Variants in MEGF11 observed in about 807,000 individuals in gnomAD.
The protein encoded by MEGF11 is multiple EGF like domains 11.
MEGF11 carries 126 observed loss-of-function variants against 146.6 expected under a neutral mutation model. That is an observed-to-expected ratio of 0.86 (90% CI 0.74 to 1.00). The LOEUF (loss-of-function observed/expected upper bound fraction) is 1.00. Among genes scored for constraint, MEGF11 ranks in the 50% least tolerant of loss-of-function variants. MEGF11 has a pLI of 0.00. For missense variants in MEGF11, 1,509 were observed against 1,521.2 expected, an observed-to-expected ratio of 0.99 and a Z score of 0.13; for synonymous variants, 532 against 583.4, an observed-to-expected ratio of 0.91 and a Z score of 1.27.
chr15:66,104,729 C>T (rs2086984462), intron 4 of MEGF11, among the ~76,000 whole-genome samples: 1 of 152,148 alleles, frequency 6.6e-6, no homozygotes, highest in Non-Finnish European at 1.5e-5. Flanking sequence ...AATCCTGCAT[C>T]CATTCACACA....
In MEGF11 at chr15:65,897,629, A is replaced by ATAT. The variant is rs1555448983; in HGVS notation, c.*304_*305insATA. ...TTTTTAAAATATCACGTTTCAGATA[A>ATAT]ATATATATATATATATCAGCTATAT... is the stretch of plus-strand genomic sequence containing the variant. On this transcript the variant is annotated 3_prime_UTR_variant, in exon 26 of 26. Transcript: ENST00000395614. The ATAT allele has an allele frequency of 1.3e-4, 23 of 178,894 alleles. No individual in the cohort carries two copies. The highest frequency in any genetic ancestry group is 6.0e-4 in the South Asian group (3 of 5,026). 11.1% of individuals were successfully genotyped at this position (178,894 alleles called of 1,614,324 possible).
intron 4 of MEGF11, among the ~76,000 whole-genome samples, chr15:66,102,236 A>G (rs1259061706): frequency 1.3e-3 from 2 of 1,526 alleles, no homozygotes; most frequent in Non-Finnish European, 6.0e-3. Context: ...CGAACCACCA[A>G]TGCTGTATCC....
At chr15:65,942,674 T>C (rs1162524749) in intron 10 of MEGF11, among the ~76,000 whole-genome samples, 1 of 152,120 alleles carries the variant, frequency 6.6e-6, no homozygotes, top group Non-Finnish European at 1.5e-5. Context: ...TCCCCGTGCC[T>C]GGCCTCATCT....
intron 1 of MEGF11, among the ~76,000 whole-genome samples, chr15:66,234,562 T>G (rs2092048342): frequency 6.6e-6 from 1 of 152,140 alleles, no homozygotes; most frequent in African/African-American, 2.4e-5. Flanking sequence ...TACTCCTACA[T>G]GGAAGACACA....
intron 4 of MEGF11, among the ~76,000 whole-genome samples, chr15:66,108,566 T>C (rs1164146416): frequency 6.6e-6 from 1 of 152,124 alleles, no homozygotes; most frequent in Non-Finnish European, 1.5e-5. Flanking sequence ...CAGGGAAGCC[T>C]CTCTGAAACA....
Position 65,916,265 on chromosome 15 carries a change from C to T in MEGF11, c.2227G>A (p.Ala743Thr). Residue 743 changes from alanine to threonine, a missense_variant, in exon 18 of 26, where the codon GCA (alanine) becomes ACA (threonine). Ala to Thr is a moderately conservative substitution (Grantham distance 58). Transcript: ENST00000395614. ...GLFCTQRCPA[A>T]FFGKDCGRVC... ...CGCCCACAGTCCTTCCCAAAAAATGCTGCTGGGCAGCCTAGAGAAACAGGA... is the reference window on the plus strand; with the variant it reads ...CGCCCACAGTCCTTCCCAAAAAATGTTGCTGGGCAGCCTAGAGAAACAGGA... 10 of 1,555,610 alleles carry T rather than the reference C, an allele frequency of 6.4e-6. No individual in the cohort carries two copies. Among genetic ancestry groups the T allele is most frequent in the South Asian group, 1.2e-5 (1 of 84,258 alleles).
intron 10 of MEGF11, among the ~76,000 whole-genome samples, chr15:65,945,239 T>C (rs2080147272): frequency 6.6e-6 from 1 of 152,204 alleles, no homozygotes; most frequent in South Asian, 2.1e-4. Flanking sequence ...TTTCTGGCCC[T>C]AGAGGTTTCT....
chr15:65,914,137 C>T (rs919061960), intron 19 of MEGF11, 164 bp from the exon 20 acceptor site: 1 of 605,498 alleles, frequency 1.7e-6, no homozygotes, highest in Admixed American at 2.9e-5. Flanking sequence ...CCTCACTGTG[C>T]CTTCATCCCT....
At chr15:66,148,854 G>A (rs934242092) in intron 1 of MEGF11, among the ~76,000 whole-genome samples, 2 of 152,218 alleles carry the variant, frequency 1.3e-5, no homozygotes, top group Non-Finnish European at 1.5e-5. Context: ...GGAACCGTCT[G>A]TCCCACCACT....
intron 1 of MEGF11, among the ~76,000 whole-genome samples, chr15:66,212,362 T>C (rs921176060): frequency 6.6e-6 from 1 of 152,098 alleles, no homozygotes; most frequent in African/African-American, 2.4e-5. Context: ...GCCCTCTGGA[T>C]TGTATTCTCC....
At position 66,094,166 on chromosome 15, in the gene MEGF11, C is replaced by T. The variant is rs531535620; in HGVS notation, c.394+236G>A. 1.6e-4 allele frequency among the ~76,000 whole-genome samples: 25 copies of T among 152,250 alleles called. No individual in the cohort carries two copies. The South Asian group carries it at 4.8e-3, about 29-fold the overall frequency. On this transcript the variant is annotated intron_variant, in intron 5 of 25. Transcript: ENST00000395614. ...AGTCAGAGTTGTCCAGATGATCCCA[C>T]AATTCCCTACACATACAACACACAA...
At chr15:66,242,495 GAGGGAGGGAGGGA>G (rs1231963257) in intron 1 of MEGF11, among the ~76,000 whole-genome samples, 3 of 144,040 alleles carry the variant, frequency 2.1e-5, no homozygotes, top group Admixed American at 1.4e-4. Flanking sequence ...GGGAGATAGG[GAGGGAGGGAGGGA>G]AGGGAGGGAG....
intron 5 of MEGF11, among the ~76,000 whole-genome samples, chr15:66,088,092 C>T (rs2086182230): frequency 6.6e-6 from 1 of 152,156 alleles, no homozygotes; most frequent in Non-Finnish European, 1.5e-5. Flanking sequence ...CGGATAAATT[C>T]CTGGAAAATT....
chr15:66,214,093 T>C (rs558206122), intron 1 of MEGF11, among the ~76,000 whole-genome samples: 119 of 142,838 alleles, frequency 8.3e-4, no homozygotes, highest in Non-Finnish European at 1.6e-3. Context: ...TGGAGTGCAG[T>C]GGCACAATCT....
At chr15:65,899,826 C>A (rs2078449606) in intron 24 of MEGF11, among the ~76,000 whole-genome samples, 1 of 152,196 alleles carries the variant, frequency 6.6e-6, no homozygotes, top group Admixed American at 6.5e-5. Context: ...CTCATGCTTC[C>A]TTTCCTGCCA....
chr15:66,014,796 A>T lies in MEGF11; in HGVS notation c.395-32308T>A, dbSNP rs1001515063. 7.9e-5 allele frequency among the ~76,000 whole-genome samples: 12 copies of T among 152,254 alleles called. 1 individual carries two copies. Among genetic ancestry groups the T allele is most frequent in the African/African-American group, 2.9e-4 (12 of 41,534 alleles). ...TGTTACCAGCACTGCACCTGTAGCAACTTGTAGCCAGTGACAAGGGATGAA... is the reference window on the plus strand; with the variant it reads ...TGTTACCAGCACTGCACCTGTAGCATCTTGTAGCCAGTGACAAGGGATGAA... On this transcript the variant is annotated intron_variant, in intron 5 of 25. Transcript: ENST00000395614.
At chr15:66,160,481 C>T (rs2089913239) in intron 1 of MEGF11, among the ~76,000 whole-genome samples, 1 of 152,120 alleles carries the variant, frequency 6.6e-6, no homozygotes, top group South Asian at 2.1e-4. Flanking sequence ...ATAAATACTC[C>T]CATTGGTTTA....
intron 19 of MEGF11, chr15:65,914,205 CAAT>C (rs1355143136): frequency 1.4e-5 from 8 of 567,078 alleles, no homozygotes; most frequent in African/African-American, 3.7e-5. Flanking sequence ...CGATGTGAAA[CAAT>C]AAATATTATT....
chr15:66,194,459 T>C (rs1441699913), intron 1 of MEGF11, among the ~76,000 whole-genome samples: 2 of 152,016 alleles, frequency 1.3e-5, no homozygotes, highest in South Asian at 2.1e-4. Flanking sequence ...AAATATGAAA[T>C]TATCCGGGTG....
Sources: allele counts gnomAD v4.1 joint callset (sites outside exome capture counted in the v4.1 genomes callset), GRCh38; gene constraint gnomAD v4.1.1; transcripts MANE v1.5; gene names NCBI Gene and HGNC (gene_info 2026-07-23, HGNC 2026-07-21).